Variants in URM1 observed in about 807,000 individuals in gnomAD.
The protein encoded by URM1 is ubiquitin-related modifier 1.
In URM1, 11 loss-of-function variants were observed where a neutral mutation model predicts 17.7. That is an observed-to-expected ratio of 0.62 (90% CI 0.39 to 1.03). The LOEUF is 1.03. Ranked by LOEUF, URM1 falls within the 50% of genes least tolerant of loss-of-function variation. URM1 has a pLI of 0.00. For missense variants in URM1, 128 were observed against 129.2 expected (o/e 0.99, Z 0.04); for synonymous variants, 48 against 50.6 (o/e 0.95, Z 0.22).
intron 3 of URM1, chr9:128,388,409 T>C: frequency 3.0e-6 from 3 of 986,228 alleles, no homozygotes; most frequent in Non-Finnish European, 3.6e-6. Flanking sequence ...GGACACCCCA[T>C]AGAAGCCCAG....
At chr9:128,376,305 C>G (rs1443448643) in intron 1 of URM1, among the ~76,000 whole-genome samples, 1 of 151,862 alleles carries the variant, frequency 6.6e-6, no homozygotes, top group Non-Finnish European at 1.5e-5. Context: ...AAGGTTGTAT[C>G]AAGCTGAGAT....
At chr9:128,386,600 C>T (rs1035468827) in intron 2 of URM1, among the ~76,000 whole-genome samples, 1 of 152,254 alleles carries the variant, frequency 6.6e-6, no homozygotes, top group African/African-American at 2.4e-5. Flanking sequence ...TGCCAGCCAG[C>T]GTGCCTTAAC....
At chr9:128,384,734 GATC>G (rs1350101095) in intron 2 of URM1, among the ~76,000 whole-genome samples, 2 of 152,086 alleles carry the variant, frequency 1.3e-5, no homozygotes, top group Non-Finnish European at 2.9e-5. Flanking sequence ...CGTCTTATTT[GATC>G]CCCCACAATG....
At chr9:128,380,073 C>G (rs1396068330) in intron 2 of URM1, among the ~76,000 whole-genome samples, 1 of 152,052 alleles carries the variant, frequency 6.6e-6, no homozygotes, top group Non-Finnish European at 1.5e-5. Context: ...TGATCACACA[C>G]TGTTCTTCAG....
At chr9:128,374,548 C>T (rs1397522061) in intron 1 of URM1, among the ~76,000 whole-genome samples, 1 of 152,010 alleles carries the variant, frequency 6.6e-6, no homozygotes, top group East Asian at 1.9e-4. Flanking sequence ...TGGCCCTGTG[C>T]GCGGCCACAG....
intron 2 of URM1, among the ~76,000 whole-genome samples, chr9:128,384,489 A>G (rs998043817): frequency 2.0e-5 from 3 of 152,138 alleles, no homozygotes; most frequent in Admixed American, 2.0e-4. Context: ...CAGTCCCCTC[A>G]TTCCCTTTCC....
At chr9:128,383,817 A>G (rs749493287) in intron 2 of URM1, among the ~76,000 whole-genome samples, 6 of 152,160 alleles carry the variant, frequency 3.9e-5, no homozygotes, top group Non-Finnish European at 7.3e-5. Context: ...GCCCTCCCAC[A>G]GTGGGCAGTC....
intron 2 of URM1, among the ~76,000 whole-genome samples, chr9:128,382,937 C>G (rs972272824): frequency 6.6e-6 from 1 of 152,156 alleles, no homozygotes; most frequent in Non-Finnish European, 1.5e-5. Context: ...GCCCCCTGCC[C>G]AGGCCCCAAG....
At chr9:128,378,245 AAG>A in intron 2 of URM1, 139 bp downstream of exon 2, 4 of 627,700 alleles carry the variant, frequency 6.4e-6, no homozygotes, top group Non-Finnish European at 1.1e-5. Flanking sequence ...GAATAAAAAC[AAG>A]AGTCTACACG....
chr9:128,371,415 G>C lies in URM1; in HGVS notation c.35G>C (p.Gly12Ala), dbSNP rs1468882457. The C allele has an allele frequency of 3.1e-6, 5 of 1,612,860 alleles. No homozygotes were observed. The highest frequency in any genetic ancestry group is 4.2e-6 in the Non-Finnish European group (5 of 1,179,246). The change falls in exon 1 of 5, where the codon GGA becomes GCA. Residue 12 changes from glycine to alanine, a missense_variant and splice_region_variant. Physicochemically the swap from Gly to Ala is moderately conservative, Grantham distance 60. Coordinates refer to ENST00000372853, the MANE Select transcript of URM1 (RefSeq NM_030914.4). ...CCCTTGTCAGTGGAGGTGGAGTTCG[G>C]GTGAGTCACAGAGCTGGGGCGCCGT... ...AAPLSVEVEF[G>A]GGAELLFDGI...
intron 2 of URM1, 63 bp downstream of exon 2, chr9:128,378,169 A>G (rs1369818153): frequency 8.2e-7 from 1 of 1,219,446 alleles, no homozygotes; most frequent in Non-Finnish European, 1.2e-6. Context: ...TCCATGGGGA[A>G]CACTCAGCCC....
In URM1 at chr9:128,387,159, G is replaced by A. The variant is rs547233826; in HGVS notation, c.107-657G>A. Reference sequence around the variant, plus strand: ...TCTCAGTGTTAGCTGAGCTGGAGAGGCCCTGTCACCCGAACCTCTGGCCAC... The same window carrying A: ...TCTCAGTGTTAGCTGAGCTGGAGAGACCCTGTCACCCGAACCTCTGGCCAC... On this transcript the variant is annotated intron_variant, in intron 2 of 4. Transcript: ENST00000372853. This position sits in a 1 kb window ranked among gnomAD's most constrained non-coding sequence, Gnocchi z 4.3. 6.6e-6 allele frequency among the ~76,000 whole-genome samples: 1 copy of A among 152,346 alleles called. No individual in the cohort carries two copies. Among genetic ancestry groups the A allele is most frequent in the East Asian group, 1.9e-4 (1 of 5,186 alleles).
chr9:128,388,744 C>T (rs879800636), intron 3 of URM1: 3 of 987,032 alleles, frequency 3.0e-6, no homozygotes, highest in Admixed American at 6.0e-5. Flanking sequence ...TGCCATGTGG[C>T]ATGGCAACTG....
chr9:128,378,232 G>C lies in URM1; in HGVS notation c.106+126G>C, dbSNP rs1833104227. On this transcript the variant is annotated intron_variant, in intron 2 of 4. Coordinates refer to ENST00000372853, the MANE Select transcript of URM1 (RefSeq NM_030914.4). ...TGCTAAGCTGCCTCTCTAGCAGGCA[G>C]AGGAATAAAAACAAGAGTCTACACG... The C allele has an allele frequency of 5.9e-6, 4 of 677,258 alleles. No homozygotes were observed. The Middle Eastern group carries it at 1.1e-3, about 188-fold the overall frequency. 42.0% of individuals were successfully genotyped at this position (677,258 alleles called of 1,614,324 possible).
intron 2 of URM1, among the ~76,000 whole-genome samples, chr9:128,379,672 C>A (rs926498345): frequency 1.2e-4 from 18 of 151,922 alleles, no homozygotes; most frequent in African/African-American, 4.3e-4. Context: ...TGGTGGCATG[C>A]GCCTGTAATC....
chr9:128,384,638 C>T (rs1440711308), intron 2 of URM1, among the ~76,000 whole-genome samples: 2 of 152,108 alleles, frequency 1.3e-5, no homozygotes, highest in East Asian at 1.9e-4. Context: ...ACCCAGAGAG[C>T]GCGAGGGGTA....
intron 2 of URM1, 23 bp downstream of exon 2, chr9:128,378,129 C>A (rs1833102448): frequency 1.9e-6 from 3 of 1,559,894 alleles, no homozygotes; most frequent in African/African-American, 1.4e-5. Context: ...TTTCTGAACC[C>A]CTCTCTTGGG....
chr9:128,384,088 T>G (rs1833195924), intron 2 of URM1, among the ~76,000 whole-genome samples: 1 of 152,178 alleles, frequency 6.6e-6, no homozygotes, highest in African/African-American at 2.4e-5. Context: ...GTGTTTGGAT[T>G]ATTATCCCTG....
At position 128,372,942 on chromosome 9, in the gene URM1, A is replaced by C. The variant is rs149471908; in HGVS notation, c.35+1527A>C. Among the ~76,000 whole-genome samples the C allele has an allele frequency of 1.2e-4, 18 of 152,172 alleles. No individual in the cohort carries two copies. In the East Asian group the frequency reaches 3.5e-3, roughly 29 times the overall value. On this transcript the variant is annotated intron_variant, in intron 1 of 4. Transcript: ENST00000372853. ...AAAAAAAAAGAAGATTTATCTGCAGACAACTTGCCTTTCATCCTCATGAGT... is the reference window on the plus strand; with the variant it reads ...AAAAAAAAAGAAGATTTATCTGCAGCCAACTTGCCTTTCATCCTCATGAGT...
Sources: allele counts gnomAD v4.1 joint callset (sites outside exome capture counted in the v4.1 genomes callset), GRCh38; gene constraint gnomAD v4.1.1; non-coding constraint Gnocchi (gnomAD v3.1); transcripts MANE v1.5; gene names NCBI Gene and HGNC (gene_info 2026-07-23, HGNC 2026-07-21).